SDK2: variants seen among roughly 807,000 people sequenced by gnomAD.
The protein encoded by SDK2 is sidekick cell adhesion molecule 2.
In SDK2, 105 loss-of-function variants were observed where a neutral mutation model predicts 253.9. The ratio of observed to expected loss-of-function variants is 0.41; its 90% CI spans 0.35 to 0.49. The LOEUF is 0.49. Ranked by LOEUF, SDK2 falls within the 20% of genes least tolerant of loss-of-function variation. The pLI is 0.06. For missense variants in SDK2, 2,608 were observed against 3,003.0 expected (o/e 0.87, Z 3.07); for synonymous variants, 1,249 against 1,234.9 (o/e 1.01, Z -0.24).
rs1192415626 is a variant in SDK2, at chr17:73,431,869, G to T, written c.1313-200C>A. On this transcript the variant is annotated intron_variant, in intron 10 of 44. Transcript: ENST00000392650. This position sits in a 1 kb window ranked among gnomAD's most constrained non-coding sequence, Gnocchi z 5.6. ...TTTCTGGCTTAGGGACGGACACGAGGGCACAGGGTCTCAGAGCGGGCAGCC... is the reference window on the plus strand; with the variant it reads ...TTTCTGGCTTAGGGACGGACACGAGTGCACAGGGTCTCAGAGCGGGCAGCC... 6.6e-6 allele frequency among the ~76,000 whole-genome samples: 1 copy of T among 152,144 alleles called. No homozygotes were observed. The highest frequency in any genetic ancestry group is 1.5e-5 in the Non-Finnish European group (1 of 68,012).
At chr17:73,360,008 C>T (rs1176842455) in intron 39 of SDK2, among the ~76,000 whole-genome samples, 1 of 152,204 alleles carries the variant, frequency 6.6e-6, no homozygotes, top group Non-Finnish European at 1.5e-5. Flanking sequence ...TCTCCTCCCA[C>T]CTCCCCACCT....
chr17:73,378,501 C>T (rs1025932424), intron 36 of SDK2, among the ~76,000 whole-genome samples: 1 of 151,752 alleles, frequency 6.6e-6, no homozygotes. Flanking sequence ...CTCACTGCAA[C>T]CTCTGCCTCC....
Position 73,440,864 on chromosome 17 carries a change from T to G in SDK2, c.673A>C (p.Ser225Arg). ...ACCTCTGAGGTGCCGGCCACCACGC[T>G]GGTGTTTTTAGGTGGGATGATGATG... The part of the protein sequence containing the change: ...PTIIIPPKNT[S>R]VVAGTSEVTL... Residue 225 changes from serine to arginine, a missense_variant, in exon 6 of 45, where the codon AGC (serine) becomes CGC (arginine). Coordinates refer to ENST00000392650, the MANE Select transcript of SDK2 (RefSeq NM_001144952.2). The G allele has an allele frequency of 6.4e-7, 1 of 1,551,674 alleles. No homozygotes were observed. Among genetic ancestry groups the G allele is most frequent in the East Asian group, 2.4e-5 (1 of 40,918 alleles).
At chr17:73,557,691 C>T (rs2045165789) in intron 1 of SDK2, among the ~76,000 whole-genome samples, 1 of 152,168 alleles carries the variant, frequency 6.6e-6, no homozygotes, top group Non-Finnish European at 1.5e-5. Context: ...TTCCCTGCCT[C>T]CTAATCTCCC....
At position 73,541,983 on chromosome 17, in the gene SDK2, T is replaced by A. The variant is rs2044875913; in HGVS notation, c.65-34386A>T. On this transcript the variant is annotated intron_variant, in intron 1 of 44. Transcript: ENST00000392650. This position sits in a 1 kb window ranked among gnomAD's most constrained non-coding sequence, Gnocchi z 4.3. The stretch of plus-strand genomic sequence containing the variant: ...GCTGATAAACAGTGTCAATGGCATC[T>A]CTTTTACAGGAGTGTCGCGACAAGG... 6.6e-6 allele frequency among the ~76,000 whole-genome samples: 1 copy of A among 152,206 alleles called. No homozygotes were observed. The highest frequency in any genetic ancestry group is 6.5e-5 in the Admixed American group (1 of 15,282).
At chr17:73,413,078 C>T (rs1015805494) in intron 18 of SDK2, among the ~76,000 whole-genome samples, 5 of 152,164 alleles carry the variant, frequency 3.3e-5, no homozygotes, top group African/African-American at 1.2e-4. Flanking sequence ...AACCAGGCTG[C>T]ACAGCAGGAG....
chr17:73,368,706 A>G, intron 36 of SDK2, 113 bp from the exon 37 acceptor site: 2 of 951,290 alleles, frequency 2.1e-6, no homozygotes, highest in Non-Finnish European at 3.0e-6. Context: ...TCACCTGGGA[A>G]ACAGCGGAGA....
chr17:73,414,195 C>T (rs778766604), intron 18 of SDK2, among the ~76,000 whole-genome samples: 106 of 151,790 alleles, frequency 7.0e-4, no homozygotes, highest in Non-Finnish European at 5.4e-4. Flanking sequence ...TTACAGGCGC[C>T]CCTGCCACCA....
Position 73,612,227 on chromosome 17 carries a change from C to A in SDK2, c.64+31798G>T, listed in dbSNP as rs541129312. Among the ~76,000 whole-genome samples the A allele has an allele frequency of 7.2e-5, 11 of 152,188 alleles. No individual in the cohort carries two copies. Among genetic ancestry groups the A allele is most frequent in the Admixed American group, 3.3e-4 (5 of 15,284 alleles). On this transcript the variant is annotated intron_variant, in intron 1 of 44. Coordinates refer to ENST00000392650, the MANE Select transcript of SDK2 (RefSeq NM_001144952.2). The surrounding 1 kb of genome is among the most constrained non-coding windows in gnomAD (Gnocchi z 4.4). ...TGGTGGCCCAGCTGCACCCGGGCTG[C>A]AGGCCGGCCCCCCACGGTCCCCCAC...
rs140917260 is a variant in SDK2, at chr17:73,511,912, G to GGT, written c.65-4317_65-4316dup. Reference sequence around the variant, plus strand: ...ATGTGTGCACGTGTTTATGTGTGCAGGTGTGTGTGTGTGCAGGTGTGTCTG... The same window carrying GGT: ...ATGTGTGCACGTGTTTATGTGTGCAGGTGTGTGTGTGTGTGCAGGTGTGTCTG... On this transcript the variant is annotated intron_variant, in intron 1 of 44. Coordinates refer to ENST00000392650, the MANE Select transcript of SDK2 (RefSeq NM_001144952.2). This position sits in a 1 kb window ranked among gnomAD's most constrained non-coding sequence, Gnocchi z 4.9. 5.9e-5 allele frequency among the ~76,000 whole-genome samples: 9 copies of GGT among 152,110 alleles called. No individual in the cohort carries two copies. The highest frequency in any genetic ancestry group is 2.6e-4 in the Admixed American group (4 of 15,274).
chr17:73,626,643 G>C (rs1261608138), intron 1 of SDK2, among the ~76,000 whole-genome samples: 1 of 152,240 alleles, frequency 6.6e-6, no homozygotes, highest in Non-Finnish European at 1.5e-5. Flanking sequence ...CCACTGTCCT[G>C]TGCCCAGAAG....
chr17:73,532,224 A>G (rs1382200343), intron 1 of SDK2, among the ~76,000 whole-genome samples: 3 of 129,552 alleles, frequency 2.3e-5, no homozygotes, highest in East Asian at 5.6e-4. Context: ...CCAACCAAGA[A>G]CGATCCAGCA....
chr17:73,465,473 C>T lies in SDK2; in HGVS notation c.331+6639G>A, dbSNP rs890458977. Among the ~76,000 whole-genome samples, 10 of 152,022 alleles carry T rather than the reference C, an allele frequency of 6.6e-5. No individual in the cohort carries two copies. The highest frequency in any genetic ancestry group is 1.4e-4 in the African/African-American group (6 of 41,386). On this transcript the variant is annotated intron_variant, in intron 3 of 44. Coordinates refer to ENST00000392650, the MANE Select transcript of SDK2 (RefSeq NM_001144952.2). This position sits in a 1 kb window ranked among gnomAD's most constrained non-coding sequence, Gnocchi z 4.2. ...CGCTGGCTGTGGTGAAACGCTGGCTCGAGGTCCTCTGCCACCTCCGGAAGG... is the reference window on the plus strand; with the variant it reads ...CGCTGGCTGTGGTGAAACGCTGGCTTGAGGTCCTCTGCCACCTCCGGAAGG...
chr17:73,544,037 G>A (rs1412208807), intron 1 of SDK2, among the ~76,000 whole-genome samples: 2 of 152,240 alleles, frequency 1.3e-5, no homozygotes, highest in Non-Finnish European at 2.9e-5. Context: ...GGTAACGTGA[G>A]CACAGCATGT....
chr17:73,644,143 A>G lies in SDK2; in HGVS notation c.-55T>C, dbSNP rs1054270680. 1 of 1,448,196 alleles carries G rather than the reference A, an allele frequency of 6.9e-7. No homozygotes were observed. Among genetic ancestry groups the G allele is most frequent in the African/African-American group, 1.4e-5 (1 of 71,092 alleles). 89.7% of individuals were successfully genotyped at this position (1,448,196 alleles called of 1,614,324 possible). A position where few individuals can be genotyped will look rare whatever the true frequency, so the allele number is the denominator to read the frequency against. On this transcript the variant is annotated 5_prime_UTR_variant, in exon 1 of 45. Transcript: ENST00000392650. This position sits in a 1 kb window ranked among gnomAD's most constrained non-coding sequence, Gnocchi z 6.3. ...GTCTCCCTTCCCTCCGCCCTGTTTT[A>G]TAATCCTGGTGGGGTCCGATACCCC...
In SDK2 at chr17:73,634,106, C is replaced by T. The variant is rs186386794; in HGVS notation, c.64+9919G>A. On this transcript the variant is annotated intron_variant, in intron 1 of 44. Transcript: ENST00000392650. ...GCATCCAGACCCCATCACTAAGACC[C>T]TATGGACATCAAGAGGGGGCTCCAA... Among the ~76,000 whole-genome samples the T allele has an allele frequency of 2.0e-5, 3 of 152,282 alleles. No individual in the cohort carries two copies. In the East Asian group the frequency reaches 5.8e-4, roughly 29 times the overall value.
chr17:73,380,845 C>T lies in SDK2; in HGVS notation c.4762+49G>A, dbSNP rs201490153. On this transcript the variant is annotated intron_variant, in intron 34 of 44. Coordinates refer to ENST00000392650, the MANE Select transcript of SDK2 (RefSeq NM_001144952.2). ...TCTCAAGGAGGCCCCACTCCCAATC[C>T]CCTGCGAGGCCTGGGCCCGCGATGA... 3.9e-5 allele frequency: 59 copies of T among 1,505,106 alleles called. No individual in the cohort carries two copies. In the Admixed American group the frequency reaches 1.0e-3, roughly 26 times the overall value. The allele number at this position is 1,505,106 out of a possible 1,614,324, so 93.2% of individuals were successfully genotyped here. A position where few individuals can be genotyped will look rare whatever the true frequency, so the allele number is the denominator to read the frequency against.
intron 44 of SDK2, among the ~76,000 whole-genome samples, chr17:73,344,859 G>T (rs560977465): frequency 2.0e-5 from 3 of 152,176 alleles, no homozygotes; most frequent in Admixed American, 6.6e-5. Flanking sequence ...CCCTGCTCCA[G>T]CCAGCTGCAA....
At chr17:73,453,928 T>C (rs1440686026) in intron 4 of SDK2, among the ~76,000 whole-genome samples, 1 of 152,196 alleles carries the variant, frequency 6.6e-6, no homozygotes, top group African/African-American at 2.4e-5. Context: ...TTCTATAAGA[T>C]TATAATGAAA....
Sources: gnomAD v4.1 joint callset for allele counts (sites outside exome capture counted in the v4.1 genomes callset) on GRCh38, gnomAD v4.1.1 for gene constraint, Gnocchi (gnomAD v3.1) non-coding constraint, MANE v1.5 for transcripts, NCBI Gene and HGNC (gene_info 2026-07-23, HGNC 2026-07-21) for gene names.